The following ZNF343 variants were observed in gnomAD, a reference collection of about 807,000 sequenced individuals.
ZNF343 encodes zinc finger protein 343.
A neutral mutation model predicts 13.8 loss-of-function variants in ZNF343; 11 were observed. The observed-to-expected ratio is 0.80, with a 90% confidence interval of 0.50 to 1.32. The LOEUF is 1.32. Among genes scored for constraint, ZNF343 ranks in the 40% most tolerant of loss-of-function variants. The pLI is 0.00. For missense variants in ZNF343, 658 were observed against 714.2 expected, an observed-to-expected ratio of 0.92 and a Z score of 0.90; for synonymous variants, 248 against 260.0, an observed-to-expected ratio of 0.95 and a Z score of 0.44.
At chr20:2,500,950 C>G (rs1166344515) in intron 1 of ZNF343, among the ~76,000 whole-genome samples, 1 of 152,108 alleles carries the variant, frequency 6.6e-6, no homozygotes, top group Non-Finnish European at 1.5e-5. Context: ...TGGGGAGTGT[C>G]AGAAAGTGGG....
At chr20:2,511,161 G>C (rs566144271), upstream of ZNF343, among the ~76,000 whole-genome samples, 1 of 150,168 alleles carries the variant, frequency 6.7e-6, no homozygotes, top group Admixed American at 6.6e-5. Flanking sequence ...ATTCAGGCTA[G>C]AGTGCGGTGG....
Position 2,508,850 on chromosome 20 carries a change from G to A in ZNF343, c.-237+31C>T, listed in dbSNP as rs2085713060. The A allele has an allele frequency of 6.6e-6, 1 of 152,270 alleles. No homozygotes were observed. The highest frequency in any genetic ancestry group is 2.4e-5 in the African/African-American group (1 of 41,476). 9.4% of individuals were successfully genotyped at this position (152,270 alleles called of 1,614,324 possible). A position where few individuals can be genotyped will look rare whatever the true frequency, so the allele number is the denominator to read the frequency against. ...CTTTCCCCACGAGAGAGGGCATCCT[G>A]GGGCCAAGGAGCCGCGGAGGCCGCG... is the stretch of plus-strand genomic sequence containing the variant. On this transcript the variant is annotated intron_variant, in intron 1 of 5. Coordinates refer to ENST00000278772, the MANE Select transcript of ZNF343 (RefSeq NM_024325.6). This position sits in a 1 kb window ranked among gnomAD's most constrained non-coding sequence, Gnocchi z 4.5.
Position 2,483,188 on chromosome 20 carries a change from A to G in ZNF343, c.1773T>C (p.Asn591=), listed in dbSNP as rs753406855. 8 of 1,611,236 alleles carry G rather than the reference A, an allele frequency of 5.0e-6. No homozygotes were observed. In the South Asian group the frequency reaches 7.7e-5, roughly 16 times the overall value. Reference sequence around the variant, plus strand: ...AGTGTGTCCTCTGGTGTCTGATGAGATTTGACTTATGACTAAAGCCTCGCC... The same window carrying G: ...AGTGTGTCCTCTGGTGTCTGATGAGGTTTGACTTATGACTAAAGCCTCGCC... ...ECGRGFSHKS[N]LIRHQRTH is the part of the protein sequence containing the mutation. Residue 591 remains asparagine (N), a synonymous_variant, in exon 6 of 6, where the codon AAT becomes AAC. Transcript: ENST00000278772.
intron 5 of ZNF343, among the ~76,000 whole-genome samples, chr20:2,487,672 A>G (rs952620816): frequency 9.8e-5 from 15 of 152,372 alleles, no homozygotes; most frequent in African/African-American, 3.6e-4. Context: ...ATGAATCTTC[A>G]GGGTAAATTC....
At chr20:2,498,190 C>T (rs2085492861) in intron 2 of ZNF343, among the ~76,000 whole-genome samples, 1 of 152,042 alleles carries the variant, frequency 6.6e-6, no homozygotes, top group Non-Finnish European at 1.5e-5. Flanking sequence ...AGCCCTGTCT[C>T]CTCTAAAAAT....
chr20:2,509,095 C>T (rs1026317322), upstream of ZNF343: 3 of 152,258 alleles, frequency 2.0e-5, no homozygotes, highest in African/African-American at 4.8e-5. Flanking sequence ...CGAGTGAAGT[C>T]TCTGTCCCCT....
rs1052679249 is a variant in ZNF343, at chr20:2,518,241, T to C, written c.-347+6214A>G. ...CATGTTGACCAGGCTTGTCTTGAACTCCTGAACTCAGACAGTTTGCCGACC... is the reference window on the plus strand; with the variant it reads ...CATGTTGACCAGGCTTGTCTTGAACCCCTGAACTCAGACAGTTTGCCGACC... On this transcript the variant is annotated intron_variant, in intron 1 of 6. Coordinates refer to the ZNF343 transcript ENST00000358413. The surrounding 1 kb of genome is among the most constrained non-coding windows in gnomAD (Gnocchi z 4.6). Among the ~76,000 whole-genome samples the C allele has an allele frequency of 3.3e-5, 5 of 152,184 alleles. No homozygotes were observed. Among genetic ancestry groups the C allele is most frequent in the Non-Finnish European group, 7.3e-5 (5 of 68,038 alleles).
upstream of ZNF343, among the ~76,000 whole-genome samples, chr20:2,511,052 G>A (rs1187777377): frequency 2.6e-5 from 4 of 151,968 alleles, no homozygotes; most frequent in Non-Finnish European, 5.9e-5. Flanking sequence ...AGGAACTCAG[G>A]ACAAATGTGA....
chr20:2,510,985 G>T (rs1600081791), upstream of ZNF343, among the ~76,000 whole-genome samples: 1 of 152,164 alleles, frequency 6.6e-6, no homozygotes, highest in African/African-American at 2.4e-5. Context: ...CAATGATTTG[G>T]TAAGTTGCAG....
At position 2,484,289 on chromosome 20, in the gene ZNF343, C is replaced by T. The variant is rs2085244296; in HGVS notation, c.672G>A (p.Val224=). The T allele has an allele frequency of 6.2e-7, 1 of 1,614,222 alleles. No individual in the cohort carries two copies. Among genetic ancestry groups the T allele is most frequent in the East Asian group, 2.2e-5 (1 of 44,882 alleles). ...EPSSAQRPNP[V]QLDKGLKELE... ...ATTCCTTCAAGCCTTTGTCTAGCTGCACAGGGTTTGGTCTTTGGGCTGAGC... is the reference window on the plus strand; with the variant it reads ...ATTCCTTCAAGCCTTTGTCTAGCTGTACAGGGTTTGGTCTTTGGGCTGAGC... The change falls in exon 6 of 6, where the codon GTG becomes GTA. Residue 224 remains valine (V), a synonymous_variant. Coordinates refer to ENST00000278772, the MANE Select transcript of ZNF343 (RefSeq NM_024325.6).
At chr20:2,485,218 A>ATGAATTC (rs773226641) in intron 5 of ZNF343, among the ~76,000 whole-genome samples, 14 of 152,330 alleles carry the variant, frequency 9.2e-5, no homozygotes, top group Non-Finnish European at 1.8e-4. Context: ...GTTCTCTACT[A>ATGAATTC]AGTATTATGA....
At chr20:2,521,282 T>C (rs1281450454) in intron 1 of ZNF343, among the ~76,000 whole-genome samples, 1 of 151,988 alleles carries the variant, frequency 6.6e-6, no homozygotes, top group Non-Finnish European at 1.5e-5. Context: ...GCCACTGGAG[T>C]CATAATCAGG....
intron 5 of ZNF343, among the ~76,000 whole-genome samples, chr20:2,489,497 G>C (rs576492708): frequency 3.4e-4 from 52 of 152,342 alleles, no homozygotes; most frequent in Admixed American, 2.5e-3. Flanking sequence ...ATGAAGGTTA[G>C]TGGGAAGTTA....
chr20:2,504,279 A>G (rs2085618343), intron 1 of ZNF343, among the ~76,000 whole-genome samples: 1 of 152,206 alleles, frequency 6.6e-6, no homozygotes, highest in South Asian at 2.1e-4. Context: ...TGAATCTCTG[A>G]ATAGACTCTG....
At chr20:2,492,984 G>A (rs2085391932) in intron 4 of ZNF343, 159 bp from the exon 5 acceptor site, 1 of 1,001,146 alleles carries the variant, frequency 1.0e-6, no homozygotes, top group South Asian at 1.6e-5. Context: ...ACTACTGTCT[G>A]CCTGGCTTTC....
intron 2 of ZNF343, among the ~76,000 whole-genome samples, chr20:2,499,855 G>C (rs953688175): frequency 7.9e-5 from 12 of 152,182 alleles, no homozygotes; most frequent in African/African-American, 2.7e-4. Flanking sequence ...CCCTCTTATA[G>C]TTCTTACCTG....
chr20:2,511,830 T>C (rs531688949), upstream of ZNF343, among the ~76,000 whole-genome samples: 1 of 152,326 alleles, frequency 6.6e-6, no homozygotes, highest in Middle Eastern at 3.4e-3. Context: ...TGGTGAAAAC[T>C]GAAAACTCTT....
At chr20:2,494,157 G>A (rs1003383525) in intron 2 of ZNF343, 113 bp from the exon 3 acceptor site, 7 of 386,226 alleles carry the variant, frequency 1.8e-5, no homozygotes, top group South Asian at 7.7e-5. Context: ...CAACAAACAC[G>A]GAGTCTCCAT....
intron 1 of ZNF343, among the ~76,000 whole-genome samples, chr20:2,501,411 G>T (rs2085564129): frequency 6.6e-6 from 1 of 152,336 alleles, no homozygotes; most frequent in South Asian, 2.1e-4. Flanking sequence ...ACAAAAGGCA[G>T]CAGAATCCTC....
Sources: gnomAD v4.1 joint callset for allele counts (sites outside exome capture counted in the v4.1 genomes callset) on GRCh38, gnomAD v4.1.1 for gene constraint, Gnocchi (gnomAD v3.1) non-coding constraint, MANE v1.5 for transcripts, NCBI Gene and HGNC (gene_info 2026-07-23, HGNC 2026-07-21) for gene names.